Variants in NUBPL observed in about 807,000 individuals in gnomAD.
NUBPL encodes NUBP iron-sulfur cluster assembly factor, mitochondrial.
NUBPL carries 31 observed loss-of-function variants against 45.7 expected under a neutral mutation model. The observed-to-expected ratio is 0.68, with a 90% CI of 0.51 to 0.92. NUBPL has a LOEUF of 0.92. Ranked by LOEUF, NUBPL falls within the 40% of genes least tolerant of loss-of-function variation. The probability of loss-of-function intolerance (pLI) is 0.00; values close to 1 mark genes in which losing one functional copy is unlikely to be tolerated. For missense variants in NUBPL, 401 were observed against 398.7 expected (o/e 1.01, Z -0.05); for synonymous variants, 144 against 140.9 (o/e 1.02, Z -0.15).
chr14:31,620,410 G>A (rs1264078558), intron 4 of NUBPL, among the ~76,000 whole-genome samples: 1 of 152,100 alleles, frequency 6.6e-6, no homozygotes, highest in East Asian at 1.9e-4. Flanking sequence ...CCCCATCTTT[G>A]TGGATTTATC....
chr14:31,636,778 G>C (rs527851970), intron 4 of NUBPL, among the ~76,000 whole-genome samples: 4 of 152,126 alleles, frequency 2.6e-5, no homozygotes, highest in African/African-American at 9.7e-5. Context: ...GCCTGTTATT[G>C]GTCTATTCAG....
chr14:31,826,562 A>G lies in NUBPL; in HGVS notation c.608-67A>G. ...TAGACTATTTGCGTATGTAAGCAAC[A>G]TAATGCTGGAAGTAATTTCTCCATA... is the stretch of plus-strand genomic sequence containing the variant. On this transcript the variant is annotated intron_variant, in intron 7 of 10. Transcript: ENST00000281081. The G allele has an allele frequency of 5.7e-6, 8 of 1,399,678 alleles. No homozygotes were observed. The Middle Eastern group carries it at 5.3e-4, about 93-fold the overall frequency. The allele number at this position is 1,399,678 out of a possible 1,614,324, so 86.7% of individuals were successfully genotyped here. A position where few individuals can be genotyped will look rare whatever the true frequency, so the allele number is the denominator to read the frequency against.
At chr14:31,809,332 G>T (rs894790777) in intron 7 of NUBPL, among the ~76,000 whole-genome samples, 2 of 152,070 alleles carry the variant, frequency 1.3e-5, no homozygotes, top group Non-Finnish European at 2.9e-5. Context: ...GCTTCTTCCT[G>T]GTTTAGTCTT....
Position 31,621,308 on chromosome 14 carries a change from C to T in NUBPL, c.382+21929C>T, listed in dbSNP as rs542116753. Among the ~76,000 whole-genome samples the T allele has an allele frequency of 4.6e-5, 7 of 152,144 alleles. No homozygotes were observed. The South Asian group carries it at 8.3e-4, about 18-fold the overall frequency. On this transcript the variant is annotated intron_variant, in intron 4 of 10. Coordinates refer to ENST00000281081, the MANE Select transcript of NUBPL (RefSeq NM_025152.3). ...AGTGAACGGTTTTTTTTCTCACTGG[C>T]GTTCCAGGTGCCACTGAGGTATGAA...
intron 3 of NUBPL, among the ~76,000 whole-genome samples, chr14:31,593,564 A>T (rs547922941): frequency 2.0e-5 from 3 of 147,108 alleles, no homozygotes; most frequent in African/African-American, 2.5e-5. Flanking sequence ...ATGGGGGCGG[A>T]GGTGTCCTGG....
chr14:31,781,598 C>T (rs1481291038), intron 6 of NUBPL, among the ~76,000 whole-genome samples: 1 of 152,130 alleles, frequency 6.6e-6, no homozygotes, highest in Non-Finnish European at 1.5e-5. Context: ...GCAATCTTAC[C>T]AGGAGCAAAT....
chr14:31,599,944 C>T (rs1261913030), intron 4 of NUBPL, among the ~76,000 whole-genome samples: 35 of 128,644 alleles, frequency 2.7e-4, no homozygotes, highest in Non-Finnish European at 4.1e-4. Flanking sequence ...TTTTTTGAGA[C>T]AGAGTCCCAC....
At chr14:31,749,907 T>C (rs1252142769) in intron 6 of NUBPL, among the ~76,000 whole-genome samples, 1 of 152,180 alleles carries the variant, frequency 6.6e-6, no homozygotes, top group African/African-American at 2.4e-5. Context: ...TTCTCCTTTT[T>C]TGTTCCTCCT....
At chr14:31,802,959 C>T (rs1243153585) in intron 7 of NUBPL, among the ~76,000 whole-genome samples, 1 of 152,202 alleles carries the variant, frequency 6.6e-6, no homozygotes, top group African/African-American at 2.4e-5. Flanking sequence ...CCTATTGTCA[C>T]AGTGACTAAA....
intron 3 of NUBPL, among the ~76,000 whole-genome samples, chr14:31,573,453 GTATTTGAATGCT>G (rs1302906637): frequency 6.6e-6 from 1 of 152,120 alleles, no homozygotes; most frequent in Non-Finnish European, 1.5e-5. Flanking sequence ...TGGTAGATGT[GTATTTGAATGCT>G]TTATAAGCAT....
intron 4 of NUBPL, among the ~76,000 whole-genome samples, chr14:31,643,320 T>C (rs939017535): frequency 7.9e-5 from 12 of 152,148 alleles, no homozygotes; most frequent in Non-Finnish European, 1.8e-4. Context: ...TTGAAGTGTG[T>C]TCCTTCCATA....
intron 4 of NUBPL, among the ~76,000 whole-genome samples, chr14:31,623,158 A>G (rs2035111969): frequency 1.3e-5 from 2 of 152,320 alleles, no homozygotes; most frequent in East Asian, 3.9e-4. Context: ...GCCCTACTGG[A>G]TTTTGGACTT....
intron 8 of NUBPL, among the ~76,000 whole-genome samples, chr14:31,838,279 C>CAAAAAAAAAAAAAAAAAAAA (rs748313330): frequency 6.6e-5 from 4 of 60,256 alleles, no homozygotes; most frequent in African/African-American, 1.5e-4. Context: ...TAATATCCAG[C>CAAAAAAAAAAAAAAAAAAAA]AAAAAAAAAA....
chr14:31,792,472 T>C (rs992900424), intron 7 of NUBPL, among the ~76,000 whole-genome samples: 13 of 52,096 alleles, frequency 2.5e-4, no homozygotes, highest in Non-Finnish European at 4.3e-4. Flanking sequence ...ACCAGTATTA[T>C]CTTTGTGCTG....
At chr14:31,804,602 A>T (rs1247871443) in intron 7 of NUBPL, among the ~76,000 whole-genome samples, 1 of 152,200 alleles carries the variant, frequency 6.6e-6, no homozygotes, top group Non-Finnish European at 1.5e-5. Context: ...GACCAATGGA[A>T]CATAATAGAG....
chr14:31,624,714 G>C (rs2035159006), intron 4 of NUBPL, among the ~76,000 whole-genome samples: 1 of 152,098 alleles, frequency 6.6e-6, no homozygotes. Flanking sequence ...ACAGGCGCCT[G>C]CCACCATGCC....
At chr14:31,687,898 A>G (rs1342207363) in intron 6 of NUBPL, among the ~76,000 whole-genome samples, 1 of 152,202 alleles carries the variant, frequency 6.6e-6, no homozygotes, top group Non-Finnish European at 1.5e-5. Context: ...TTTCAAGATA[A>G]ATGAATCCAA....
intron 6 of NUBPL, among the ~76,000 whole-genome samples, chr14:31,773,884 G>T (rs150382248): frequency 1.3e-5 from 2 of 152,302 alleles, no homozygotes; most frequent in South Asian, 4.1e-4. Flanking sequence ...AGACAAGAAG[G>T]ATAGCAGCAA....
At chr14:31,729,698 T>A (rs894307496) in intron 6 of NUBPL, among the ~76,000 whole-genome samples, 5 of 152,002 alleles carry the variant, frequency 3.3e-5, no homozygotes, top group Non-Finnish European at 7.4e-5. Flanking sequence ...TATTCTAATA[T>A]TAAGTTGGTG....
Sources: gnomAD v4.1 joint callset for allele counts (sites outside exome capture counted in the v4.1 genomes callset) on GRCh38, gnomAD v4.1.1 for gene constraint, MANE v1.5 for transcripts, NCBI Gene and HGNC (gene_info 2026-07-23, HGNC 2026-07-21) for gene names.